RPAP2: variants seen among roughly 807,000 people sequenced by gnomAD.
The protein encoded by RPAP2 is putative RNA polymerase II subunit B1 CTD phosphatase RPAP2.
RPAP2 carries 52 observed loss-of-function variants against 73.1 expected under a neutral mutation model. The ratio of observed to expected loss-of-function variants is 0.71; its 90% CI spans 0.57 to 0.90. The LOEUF (loss-of-function observed/expected upper bound fraction) is 0.90, where lower values mean the gene tolerates loss of function less well. Among genes scored for constraint, RPAP2 ranks in the 40% least tolerant of loss-of-function variants. RPAP2 has a pLI of 0.00. For synonymous variants in RPAP2, 225 were observed against 242.1 expected (o/e 0.93, Z 0.65); for missense variants, 598 against 701.8 (o/e 0.85, Z 1.67).
At chr1:92,359,302 A>T (rs1654626070) in intron 11 of RPAP2, among the ~76,000 whole-genome samples, 1 of 152,062 alleles carries the variant, frequency 6.6e-6, no homozygotes, top group African/African-American at 2.4e-5. Context: ...GAGATGATGC[A>T]TTTGTTTTTA....
At chr1:92,382,911 G>T (rs1159411311) in intron 12 of RPAP2, among the ~76,000 whole-genome samples, 3 of 150,698 alleles carry the variant, frequency 2.0e-5, no homozygotes, top group Admixed American at 6.6e-5. Flanking sequence ...GGTCTAACAT[G>T]TAAGTCTTTA....
intron 11 of RPAP2, among the ~76,000 whole-genome samples, chr1:92,380,480 TGAA>T (rs1655583299): frequency 6.6e-6 from 1 of 152,184 alleles, no homozygotes; most frequent in African/African-American, 2.4e-5. Context: ...TTTGCTGGCA[TGAA>T]GAAGAACAAA....
intron 10 of RPAP2, among the ~76,000 whole-genome samples, chr1:92,344,731 C>T (rs961886839): frequency 1.3e-5 from 2 of 152,134 alleles, no homozygotes; most frequent in Non-Finnish European, 2.9e-5. Context: ...CTATTTCTTC[C>T]CATCCTCACC....
At chr1:92,347,930 G>A (rs936149707) in intron 11 of RPAP2, among the ~76,000 whole-genome samples, 3 of 151,478 alleles carry the variant, frequency 2.0e-5, no homozygotes, top group Non-Finnish European at 4.4e-5. Flanking sequence ...TTTTCTTTGA[G>A]ATGGAGTCTC....
At chr1:92,361,093 A>T (rs371750116) in intron 11 of RPAP2, among the ~76,000 whole-genome samples, 8 of 105,684 alleles carry the variant, frequency 7.6e-5, no homozygotes, top group East Asian at 6.3e-4. Context: ...TATATATATA[A>T]TATATATATA....
At chr1:92,382,884 G>C (rs1489079883) in intron 12 of RPAP2, among the ~76,000 whole-genome samples, 13 of 152,034 alleles carry the variant, frequency 8.6e-5, no homozygotes, top group African/African-American at 2.4e-4. Context: ...TTTTCTTCTA[G>C]GGTTTTTATG....
At chr1:92,348,986 G>A (rs886955520) in intron 11 of RPAP2, among the ~76,000 whole-genome samples, 1 of 152,102 alleles carries the variant, frequency 6.6e-6, no homozygotes, top group Non-Finnish European at 1.5e-5. Context: ...GAGAAAGGAC[G>A]AAACACATGC....
intron 10 of RPAP2, among the ~76,000 whole-genome samples, chr1:92,339,468 A>C (rs946494702): frequency 1.3e-5 from 2 of 152,040 alleles, no homozygotes; most frequent in African/African-American, 4.8e-5. Context: ...TGATGCAAAA[A>C]ATAATAATAA....
intron 6 of RPAP2, among the ~76,000 whole-genome samples, chr1:92,309,317 C>T (rs1184114098): frequency 6.6e-6 from 1 of 151,878 alleles, no homozygotes; most frequent in Non-Finnish European, 1.5e-5. Context: ...TGACACATGC[C>T]TGTAGTCTCA....
chr1:92,376,773 T>C (rs931112263), intron 11 of RPAP2, among the ~76,000 whole-genome samples: 1 of 152,228 alleles, frequency 6.6e-6, no homozygotes, highest in Non-Finnish European at 1.5e-5. Flanking sequence ...TATAGCACTT[T>C]ATAGCCTACA....
At chr1:92,334,735 C>T (rs1653174276) in intron 9 of RPAP2, among the ~76,000 whole-genome samples, 2 of 151,900 alleles carry the variant, frequency 1.3e-5, no homozygotes, top group South Asian at 4.2e-4. Flanking sequence ...ACCTGTAATC[C>T]CAGCACTTTG....
chr1:92,323,303 A>G, intron 7 of RPAP2, 142 bp from the exon 8 acceptor site: 1 of 466,104 alleles, frequency 2.1e-6, no homozygotes. Flanking sequence ...GAACCTAGAA[A>G]TAAGGTTTTG....
chr1:92,306,176 A>T (rs765159797), intron 5 of RPAP2, among the ~76,000 whole-genome samples: 3 of 152,232 alleles, frequency 2.0e-5, no homozygotes, highest in Non-Finnish European at 4.4e-5. Context: ...TAGAGAAGTC[A>T]GATTAACAGA....
rs879738082 is a variant in RPAP2 at position 92,396,345 on chromosome 1, C to CT, written c.*9345dup. 1.3e-3 allele frequency: 189 copies of CT among 144,024 alleles called. No individual in the cohort carries two copies. The highest frequency in any genetic ancestry group is 3.2e-3 in the Admixed American group (46 of 14,288). 8.9% of individuals were successfully genotyped at this position (144,024 alleles called of 1,614,324 possible). ...CAACATACCCAGATTATTTCTTTTT[C>CT]TTTTTTTTTTTAACTGGTGGATTTC... On this transcript the variant is annotated 3_prime_UTR_variant, in exon 13 of 13. Coordinates refer to ENST00000610020, the MANE Select transcript of RPAP2 (RefSeq NM_024813.3).
In RPAP2 at chr1:92,387,986, G is replaced by A. The variant is rs1341502262; in HGVS notation, c.*975G>A. 3 of 152,052 alleles carry A rather than the reference G, an allele frequency of 2.0e-5. No individual in the cohort carries two copies. The highest frequency in any genetic ancestry group is 7.2e-5 in the African/African-American group (3 of 41,396). 9.4% of individuals were successfully genotyped at this position (152,052 alleles called of 1,614,324 possible). ...TACTGTCATCCTGTTGTTGGTCTGG[G>A]GCCACTCTGACAATTTTTTTTAACC... On this transcript the variant is annotated 3_prime_UTR_variant, in exon 13 of 13. Coordinates refer to ENST00000610020, the MANE Select transcript of RPAP2 (RefSeq NM_024813.3).
At chr1:92,367,985 C>T (rs144613861) in intron 11 of RPAP2, among the ~76,000 whole-genome samples, 1 of 152,254 alleles carries the variant, frequency 6.6e-6, no homozygotes, top group East Asian at 1.9e-4. Context: ...TAGGAAGGTG[C>T]CTGATGTGAT....
In RPAP2 at chr1:92,397,411, G is replaced by T. The variant is rs2101474589; in HGVS notation, c.*10400G>T. The stretch of plus-strand genomic sequence containing the variant: ...TCTCAAAAATTAAAAATTAAAAAAT[G>T]AGGGAAGCTGCTGTATCTCCACTTC... On this transcript the variant is annotated 3_prime_UTR_variant, in exon 13 of 13. Coordinates refer to ENST00000610020, the MANE Select transcript of RPAP2 (RefSeq NM_024813.3). 1 of 152,106 alleles carries T rather than the reference G, an allele frequency of 6.6e-6. No individual in the cohort carries two copies. Among genetic ancestry groups the T allele is most frequent in the Non-Finnish European group, 1.5e-5 (1 of 68,000 alleles). The allele number at this position is 152,106 out of a possible 1,614,324, so 9.4% of individuals were successfully genotyped here.
At chr1:92,345,463 G>A (rs1473818943) in intron 10 of RPAP2, among the ~76,000 whole-genome samples, 3 of 150,950 alleles carry the variant, frequency 2.0e-5, no homozygotes, top group Non-Finnish European at 4.4e-5. Context: ...GACAGAGGGA[G>A]GGAGGGAAAG....
At chr1:92,386,836 G>A (rs977207616) in intron 12 of RPAP2, among the ~76,000 whole-genome samples, 175 bp from the exon 13 acceptor site, 1 of 152,034 alleles carries the variant, frequency 6.6e-6, no homozygotes, top group African/African-American at 2.4e-5. Flanking sequence ...GAGTAGCTGG[G>A]ACTACAGGTG....
Sources: gnomAD v4.1 joint callset for allele counts (sites outside exome capture counted in the v4.1 genomes callset) on GRCh38, gnomAD v4.1.1 for gene constraint, MANE v1.5 for transcripts, NCBI Gene and HGNC (gene_info 2026-07-23, HGNC 2026-07-21) for gene names.